Variants in SUN1 observed in about 807,000 individuals in gnomAD.
The protein encoded by SUN1 is SUN domain-containing protein 1.
SUN1 carries 61 observed loss-of-function variants against 103.2 expected under a neutral mutation model. The observed-to-expected ratio is 0.59, with a 90% CI of 0.48 to 0.73. SUN1 has a LOEUF of 0.73. Ranked by LOEUF, SUN1 falls within the 30% of genes least tolerant of loss-of-function variation. The pLI is 0.00. For missense variants in SUN1, 1,052 were observed against 1,034.6 expected (o/e 1.02, Z -0.23); for synonymous variants, 490 against 425.7 (o/e 1.15, Z -1.86).
chr7:836,429 A>G (rs1803267476), intron 1 of SUN1, among the ~76,000 whole-genome samples: 1 of 152,212 alleles, frequency 6.6e-6, no homozygotes, highest in African/African-American at 2.4e-5. Context: ...CTTCAGGTTG[A>G]GTTGGCAAGG....
chr7:864,999 C>T (rs532383276), intron 15 of SUN1, among the ~76,000 whole-genome samples: 1 of 152,138 alleles, frequency 6.6e-6, no homozygotes, highest in Non-Finnish European at 1.5e-5. Context: ...TTCCCAGTCT[C>T]TGGTACCACC....
intron 11 of SUN1, among the ~76,000 whole-genome samples, chr7:856,141 C>T (rs1379794899): frequency 6.6e-6 from 1 of 152,226 alleles, no homozygotes; most frequent in African/African-American, 2.4e-5. Flanking sequence ...GCCCGCCAGG[C>T]CGTTCTCATG....
intron 1 of SUN1, among the ~76,000 whole-genome samples, chr7:827,378 A>G (rs374435783): frequency 6.6e-6 from 1 of 151,206 alleles, no homozygotes; most frequent in East Asian, 2.0e-4. Flanking sequence ...TTTTTCAACC[A>G]TGTTCTCTGG....
chr7:858,520 A>G (rs1829584911), intron 13 of SUN1, among the ~76,000 whole-genome samples: 1 of 152,162 alleles, frequency 6.6e-6, no homozygotes, highest in South Asian at 2.1e-4. Flanking sequence ...TCTCCTTGGT[A>G]TGCGTCCTTG....
intron 17 of SUN1, among the ~76,000 whole-genome samples, chr7:870,204 T>TA (rs1840471887): frequency 4.5e-5 from 3 of 67,384 alleles, no homozygotes; most frequent in East Asian, 4.6e-4. Context: ...GACCCTGTCT[T>TA]TAAAAAAAAA....
At chr7:847,250 C>G (rs1816790262) in intron 5 of SUN1, among the ~76,000 whole-genome samples, 1 of 151,466 alleles carries the variant, frequency 6.6e-6, no homozygotes, top group Non-Finnish European at 1.5e-5. Context: ...AGTCCAGTCT[C>G]CGGGGTCCCC....
chr7:829,159 GATCCGTTTTTCACTTACT>G (rs1363375722), upstream of SUN1, among the ~76,000 whole-genome samples: 1 of 152,178 alleles, frequency 6.6e-6, no homozygotes, highest in Non-Finnish European at 1.5e-5. Flanking sequence ...AAACATGCTG[GATCCGTTTTTCACTTACT>G]GTGTGGTTAC....
chr7:843,259 A>G (rs774164032), intron 4 of SUN1, 27 bp downstream of exon 4: 2 of 1,607,332 alleles, frequency 1.2e-6, no homozygotes, highest in South Asian at 1.1e-5. Context: ...TTTTATCTTC[A>G]TATACTTTTC....
intron 2 of SUN1, 39 bp from the exon 3 acceptor site, chr7:841,907 G>C (rs567829498): frequency 5.6e-6 from 9 of 1,600,868 alleles, no homozygotes; most frequent in Non-Finnish European, 7.7e-6. Context: ...GTATTTGCTA[G>C]AAAAGATCTA....
intron 5 of SUN1, among the ~76,000 whole-genome samples, chr7:846,564 C>T (rs1341060532): frequency 6.6e-6 from 1 of 151,666 alleles, no homozygotes; most frequent in Non-Finnish European, 1.5e-5. Context: ...GAGAGTGAGA[C>T]CTGTCTCAAA....
chr7:832,713 G>A (rs1285333585), intron 1 of SUN1, 112 bp downstream of exon 1: 2 of 818,274 alleles, frequency 2.4e-6, no homozygotes, highest in South Asian at 1.6e-5. Flanking sequence ...GCTGTATTTT[G>A]AAGGTGAAAA....
In SUN1 at chr7:857,842, A is replaced by G. The variant is rs1191157675; in HGVS notation, c.1409A>G (p.Gln470Arg). 6.3e-7 allele frequency: 1 copy of G among 1,584,326 alleles called. No individual in the cohort carries two copies. The highest frequency in any genetic ancestry group is 8.6e-7 in the Non-Finnish European group (1 of 1,159,898). ...KQKTISAVGEQLLPTVEHLQL... is the reference protein window; with the variant it reads ...KQKTISAVGERLLPTVEHLQL... The stretch of plus-strand genomic sequence containing the variant: ...TTGGATTCCAGTGCGGTTGGTGAGC[A>G]GCTCCTGCCCACAGTCGAGCACCTC... The change falls in exon 13 of 19, where the codon CAG (glutamine) becomes CGG (arginine). Residue 470 changes from glutamine to arginine, a missense_variant. Physicochemically the swap from Gln to Arg is conservative, Grantham distance 43. Coordinates refer to ENST00000401592, the MANE Select transcript of SUN1 (RefSeq NM_001130965.3).
chr7:820,995 G>A (rs1785349259), intron 1 of SUN1, among the ~76,000 whole-genome samples: 1 of 151,842 alleles, frequency 6.6e-6, no homozygotes, highest in South Asian at 2.1e-4. Flanking sequence ...AACTTCTTCT[G>A]GCCTAAGTCA....
At chr7:847,842 G>A (rs1195744788) in intron 5 of SUN1, among the ~76,000 whole-genome samples, 5 of 139,546 alleles carry the variant, frequency 3.6e-5, no homozygotes, top group African/African-American at 1.4e-4. Flanking sequence ...CCGCAGCGCC[G>A]TGCGCCAGCG....
intron 1 of SUN1, among the ~76,000 whole-genome samples, chr7:834,403 G>A (rs958480297): frequency 1.3e-5 from 2 of 152,190 alleles, no homozygotes; most frequent in Admixed American, 6.5e-5. Context: ...AGGACCAGCC[G>A]CCTCACCTGA....
At position 853,510 on chromosome 7, in the gene SUN1, G is replaced by A; in HGVS notation, c.1155G>A (p.Glu385=). The A allele has an allele frequency of 1.2e-6, 2 of 1,613,924 alleles. No individual in the cohort carries two copies. Among genetic ancestry groups the A allele is most frequent in the Non-Finnish European group, 1.7e-6 (2 of 1,180,052 alleles). The change falls in exon 10 of 19, where the codon GAG becomes GAA. Residue 385 remains glutamate, a synonymous_variant. Transcript: ENST00000401592. ...QCHHHGENLR[E]LTTLLQKLQA... Reference sequence around the variant, plus strand: ...ACCACCATGGTGAGAATCTCCGAGAGCTGACCACTTTGCTACAGAAGCTGC... The same window carrying A: ...ACCACCATGGTGAGAATCTCCGAGAACTGACCACTTTGCTACAGAAGCTGC...
At chr7:830,501 ATAAACT>A (rs944694684), upstream of SUN1, among the ~76,000 whole-genome samples, 11 of 152,226 alleles carry the variant, frequency 7.2e-5, no homozygotes, top group Non-Finnish European at 1.2e-4. Flanking sequence ...ACTGGGGAAC[ATAAACT>A]TAAAATTCAC....
chr7:828,776 G>A (rs1052809040), upstream of SUN1, among the ~76,000 whole-genome samples: 6 of 152,174 alleles, frequency 3.9e-5, no homozygotes, highest in Admixed American at 1.3e-4. Context: ...CTCTAGTGTC[G>A]ATGGCTCTCC....
intron 1 of SUN1, among the ~76,000 whole-genome samples, chr7:822,231 G>A (rs892952692): frequency 3.3e-5 from 5 of 152,214 alleles, no homozygotes; most frequent in African/African-American, 9.6e-5. Flanking sequence ...AGCATCTCTT[G>A]TAATTTATTA....
Sources: gnomAD v4.1 joint callset for allele counts (sites outside exome capture counted in the v4.1 genomes callset) on GRCh38, gnomAD v4.1.1 for gene constraint, MANE v1.5 for transcripts, NCBI Gene and HGNC (gene_info 2026-07-23, HGNC 2026-07-21) for gene names.